Variants in TJP1 observed in about 807,000 individuals in gnomAD.
TJP1 encodes tight junction protein ZO-1.
In TJP1, 43 loss-of-function variants were observed where a neutral mutation model predicts 194.2. The observed-to-expected ratio is 0.22, with a 90% CI of 0.17 to 0.29. The LOEUF (loss-of-function observed/expected upper bound fraction) is 0.29. Ranked by LOEUF, TJP1 falls within the 10% of genes least tolerant of loss-of-function variation. TJP1 has a pLI of 1.00. For missense variants in TJP1, 1,971 were observed against 2,185.7 expected, an observed-to-expected ratio of 0.90 and a Z score of 1.96; for synonymous variants, 801 against 779.0, an observed-to-expected ratio of 1.03 and a Z score of -0.47.
chr15:29,760,234 G>T, intron 8 of TJP1: 1 of 702,294 alleles, frequency 1.4e-6, no homozygotes, highest in African/African-American at 1.7e-5. Flanking sequence ...CAATTGCTGC[G>T]TGTATGTGCA....
chr15:29,896,209 AC>A (rs765441039), intron 2 of TJP1, among the ~76,000 whole-genome samples: 6 of 152,248 alleles, frequency 3.9e-5, no homozygotes, highest in Admixed American at 1.3e-4. Context: ...CATAGGAGGA[AC>A]CCCAGTGGGA....
At chr15:29,893,701 T>G (rs568267146) in intron 2 of TJP1, among the ~76,000 whole-genome samples, 225 of 135,552 alleles carry the variant, frequency 1.7e-3, no homozygotes, top group African/African-American at 6.4e-3. Context: ...TATATTGTTT[T>G]TCAGACACAA....
intron 11 of TJP1, among the ~76,000 whole-genome samples, chr15:29,735,589 A>T (rs1319080562): frequency 9.1e-6 from 1 of 109,662 alleles, no homozygotes; most frequent in African/African-American, 3.1e-5. Context: ...TGTCTCAAGG[A>T]AAAAAAAAAA....
chr15:29,804,911 A>G (rs2049020804), intron 1 of TJP1, among the ~76,000 whole-genome samples: 1 of 152,202 alleles, frequency 6.6e-6, no homozygotes, highest in Non-Finnish European at 1.5e-5. Flanking sequence ...TAAGGAGACC[A>G]GAGCCGAAAG....
At chr15:29,945,608 G>A (rs906195856) in intron 2 of TJP1, among the ~76,000 whole-genome samples, 2 of 152,152 alleles carry the variant, frequency 1.3e-5, no homozygotes, top group Non-Finnish European at 2.9e-5. Context: ...GTGTGCTTGG[G>A]AGACTACTTA....
chr15:29,930,958 G>A (rs573047763), intron 2 of TJP1, among the ~76,000 whole-genome samples: 4 of 152,246 alleles, frequency 2.6e-5, no homozygotes, highest in South Asian at 2.1e-4. Context: ...CAATGTGAGC[G>A]TTAGGAGTGC....
At chr15:29,712,438 G>C (rs2042298764) in intron 23 of TJP1, among the ~76,000 whole-genome samples, 1 of 152,108 alleles carries the variant, frequency 6.6e-6, no homozygotes, top group Non-Finnish European at 1.5e-5. Context: ...AAGCGCAATA[G>C]AAAAATGAAA....
intron 1 of TJP1, among the ~76,000 whole-genome samples, chr15:29,964,079 C>T (rs541043939): frequency 1.3e-5 from 2 of 152,328 alleles, no homozygotes; most frequent in Admixed American, 6.5e-5. Flanking sequence ...ACCTGCAGAA[C>T]AGCAGCATAA....
chr15:29,890,875 G>A (rs553853803), intron 2 of TJP1, among the ~76,000 whole-genome samples: 2 of 152,182 alleles, frequency 1.3e-5, no homozygotes, highest in South Asian at 4.1e-4. Context: ...CTCTGCCAGC[G>A]AGATGTCTAC....
At chr15:29,928,709 C>T (rs542765795) in intron 2 of TJP1, among the ~76,000 whole-genome samples, 3 of 152,180 alleles carry the variant, frequency 2.0e-5, no homozygotes, top group East Asian at 1.9e-4. Context: ...TTTGGGAGGC[C>T]AAGGCGGGCA....
chr15:29,752,246 G>T (rs865905567), intron 8 of TJP1, among the ~76,000 whole-genome samples: 1 of 151,918 alleles, frequency 6.6e-6, no homozygotes, highest in Non-Finnish European at 1.5e-5. Context: ...GGGATTATAG[G>T]CACACGCCAC....
intron 1 of TJP1, 23 bp downstream of exon 1, chr15:29,821,979 C>T: frequency 1.5e-6 from 2 of 1,298,860 alleles, no homozygotes; most frequent in Non-Finnish European, 2.0e-6. Context: ...CGGTCTGGCC[C>T]TGGCGGCCGC....
chr15:29,752,617 T>C (rs950474349), intron 8 of TJP1, among the ~76,000 whole-genome samples: 7 of 152,136 alleles, frequency 4.6e-5, no homozygotes, highest in African/African-American at 7.2e-5. Context: ...AAACCTCACA[T>C]TGGAATTTCA....
Position 29,837,404 on chromosome 15 carries a change from C to CA in TJP1, c.307-36703dup, listed in dbSNP as rs532883429. Among the ~76,000 whole-genome samples the CA allele has an allele frequency of 8.6e-3, 1,310 of 152,172 alleles. 9 individuals are homozygous for CA. Among genetic ancestry groups the CA allele is most frequent in the Non-Finnish European group, 0.015 (998 of 67,990 alleles). ...AGAAACCCCATCTCTACTAAAAATA[C>CA]AAAATTAGCTGGGAGTGGCAGTGGG... On this transcript the variant is annotated intron_variant, in intron 2 of 28. Transcript: ENST00000356107.
At chr15:29,727,885 C>T in intron 16 of TJP1, 52 bp downstream of exon 16, 1 of 1,477,346 alleles carries the variant, frequency 6.8e-7, no homozygotes. Context: ...AAATCCCATC[C>T]CACTCAAAAC....
intron 1 of TJP1, among the ~76,000 whole-genome samples, chr15:29,810,620 G>A (rs1483203791): frequency 6.6e-6 from 1 of 152,094 alleles, no homozygotes; most frequent in Non-Finnish European, 1.5e-5. Context: ...GTCTAGAAGG[G>A]GTAACAGATA....
chr15:29,848,126 T>G lies in TJP1; in HGVS notation c.307-47424A>C, dbSNP rs539696238. 2.6e-5 allele frequency among the ~76,000 whole-genome samples: 4 copies of G among 152,194 alleles called. No individual in the cohort carries two copies. In the South Asian group the frequency reaches 8.3e-4, roughly 32 times the overall value. ...GAGGCATGTTTTATGACCCAAGATA[T>G]GATCAAATATGGTCTTTCTTGGTGA... On this transcript the variant is annotated intron_variant, in intron 2 of 28. Coordinates refer to the TJP1 transcript ENST00000356107.
At position 29,801,015 on chromosome 15, in the gene TJP1, G is replaced by A. The variant is rs895048842; in HGVS notation, c.28-313C>T. ...CTTAGAAAAGAATAAAAGTTGGAGCGGTATTATCTTAAAATATCTAATGGC... is the reference window on the plus strand; with the variant it reads ...CTTAGAAAAGAATAAAAGTTGGAGCAGTATTATCTTAAAATATCTAATGGC... On this transcript the variant is annotated intron_variant, in intron 1 of 27. Coordinates refer to ENST00000614355, the MANE Select transcript of TJP1 (RefSeq NM_001330239.4). Among the ~76,000 whole-genome samples, 8 of 152,210 alleles carry A rather than the reference G, an allele frequency of 5.3e-5. No individual in the cohort carries two copies. The South Asian group carries it at 6.2e-4, about 12-fold the overall frequency.
intron 2 of TJP1, among the ~76,000 whole-genome samples, chr15:29,955,619 C>G (rs2055904212): frequency 6.6e-6 from 1 of 151,746 alleles, no homozygotes; most frequent in Admixed American, 6.6e-5. Flanking sequence ...GGCATAGTGG[C>G]ACACGCCTAT....
Sources: allele counts gnomAD v4.1 joint callset (sites outside exome capture counted in the v4.1 genomes callset), GRCh38; gene constraint gnomAD v4.1.1; transcripts MANE v1.5; gene names NCBI Gene and HGNC (gene_info 2026-07-23, HGNC 2026-07-21).